The following TMOD1 variants were observed in gnomAD, a reference collection of about 807,000 sequenced individuals.
TMOD1 encodes the protein tropomodulin 1, also known as tropomodulin-1.
In TMOD1, 17 loss-of-function variants were observed where a neutral mutation model predicts 40.6. The ratio of observed to expected loss-of-function variants is 0.42; its 90% CI spans 0.29 to 0.63. TMOD1 has a LOEUF of 0.63. TMOD1 is among the 20% of genes least tolerant of loss of function. The pLI is 0.22. For synonymous variants in TMOD1, 181 were observed against 175.0 expected, an observed-to-expected ratio of 1.03 and a Z score of -0.27; for missense variants, 391 against 447.6, an observed-to-expected ratio of 0.87 and a Z score of 1.14.
intron 4 of TMOD1, among the ~76,000 whole-genome samples, chr9:97,562,278 T>C (rs10817771): frequency 0.21 from 32,367 of 152,070 alleles, 4,112 homozygotes; most frequent in Middle Eastern, 0.37. Flanking sequence ...AGCCAAAGAA[T>C]GATCAGGCCT....
At chr9:97,534,754 G>T (rs145463702) in intron 2 of TMOD1, among the ~76,000 whole-genome samples, 58 of 152,328 alleles carry the variant, frequency 3.8e-4, no homozygotes, top group African/African-American at 1.4e-3. Context: ...GAGAGATACA[G>T]CATAGATATG....
Position 97,599,896 on chromosome 9 carries a change from T to C in TMOD1, c.*198T>C. The C allele has an allele frequency of 7.3e-7, 1 of 1,361,060 alleles. No individual in the cohort carries two copies. 84.3% of individuals were successfully genotyped at this position (1,361,060 alleles called of 1,614,324 possible). ...ATACCGTTAATGTGAAGTTTTTCTT[T>C]AGTCACAGAAGTTGAATCTGGTTAT... On this transcript the variant is annotated 3_prime_UTR_variant, in exon 10 of 10. Transcript: ENST00000259365.
At chr9:97,562,674 C>G (rs1168458074) in intron 4 of TMOD1, 58 bp from the exon 5 acceptor site, 3 of 1,321,846 alleles carry the variant, frequency 2.3e-6, no homozygotes, top group Non-Finnish European at 3.1e-6. Context: ...AGTGTGGGTC[C>G]CTAGGAGGCT....
chr9:97,573,925 C>T (rs1165943480), intron 8 of TMOD1, among the ~76,000 whole-genome samples: 1 of 152,194 alleles, frequency 6.6e-6, no homozygotes, highest in Non-Finnish European at 1.5e-5. Context: ...AAATCAGACA[C>T]CACTTTTTGG....
intron 4 of TMOD1, among the ~76,000 whole-genome samples, chr9:97,554,560 G>A (rs1334534537): frequency 6.6e-6 from 1 of 152,062 alleles, no homozygotes; most frequent in Non-Finnish European, 1.5e-5. Flanking sequence ...TGGGGGCGGG[G>A]GTGCAAATCG....
chr9:97,566,047 A>G, intron 7 of TMOD1, 92 bp downstream of exon 7: 1 of 1,091,884 alleles, frequency 9.2e-7, no homozygotes, highest in South Asian at 1.4e-5. Flanking sequence ...GTATCCCACT[A>G]ACAAAGAGCT....
chr9:97,595,943 A>G (rs748758540), intron 9 of TMOD1, among the ~76,000 whole-genome samples: 6 of 151,882 alleles, frequency 4.0e-5, no homozygotes, highest in Non-Finnish European at 7.4e-5. Context: ...GCATGGTGGC[A>G]GGCACCTGTA....
rs79437348 is a variant in TMOD1, at chr9:97,565,367, C to T, written c.619-481C>T. On this transcript the variant is annotated intron_variant, in intron 6 of 9. Coordinates refer to ENST00000259365, the MANE Select transcript of TMOD1 (RefSeq NM_003275.4). ...AGTTCCCCAGGAGTCTCTGATGTGC[C>T]GCTGGAGCAGAGACCCCCTGGGGTA... is the stretch of plus-strand genomic sequence containing the variant. Among the ~76,000 whole-genome samples, 368 of 152,248 alleles carry T rather than the reference C, an allele frequency of 2.4e-3. 3 individuals are homozygous for T. Among genetic ancestry groups the T allele is most frequent in the Non-Finnish European group, 3.7e-3 (251 of 68,000 alleles).
chr9:97,518,354 C>T (rs1478664376), intron 1 of TMOD1, among the ~76,000 whole-genome samples: 3 of 152,230 alleles, frequency 2.0e-5, no homozygotes, highest in East Asian at 1.9e-4. Context: ...GGAACAGATT[C>T]GTCCTCAGAG....
chr9:97,598,451 C>A (rs1232270717), intron 9 of TMOD1, among the ~76,000 whole-genome samples: 1 of 152,118 alleles, frequency 6.6e-6, no homozygotes, highest in Non-Finnish European at 1.5e-5. Context: ...AACTAACATT[C>A]CAGCAGCGTT....
chr9:97,562,712 C>T lies in TMOD1; in HGVS notation c.398-20C>T, dbSNP rs757729784. The T allele has an allele frequency of 2.0e-6, 3 of 1,517,166 alleles. No homozygotes were observed. The highest frequency in any genetic ancestry group is 2.6e-6 in the Non-Finnish European group (3 of 1,137,102). The allele number at this position is 1,517,166 out of a possible 1,614,324, so 94.0% of individuals were successfully genotyped here. A position where few individuals can be genotyped will look rare whatever the true frequency, so the allele number is the denominator to read the frequency against. ...TCTGTCTGCAGAGGCACATCATGAG[C>T]CCTTCCCTTGTCCCTGCAGCGATCC... On this transcript the variant is annotated intron_variant, in intron 4 of 9. Transcript: ENST00000259365.
chr9:97,532,755 G>A (rs1017351735), intron 2 of TMOD1, among the ~76,000 whole-genome samples: 1 of 152,160 alleles, frequency 6.6e-6, no homozygotes, highest in South Asian at 2.1e-4. Flanking sequence ...CATCATGTAA[G>A]TGACCTACAT....
Position 97,564,056 on chromosome 9 carries a change from A to G in TMOD1, c.506A>G (p.Gln169Arg). ...ACTCTAGGCGTGATTAAACCCACACAATACAAGCCTGTGCCCGACGAAGAA... is the reference window on the plus strand; with the variant it reads ...ACTCTAGGCGTGATTAAACCCACACGATACAAGCCTGTGCCCGACGAAGAA... ...EGLNSVIKPTQYKPVPDEEPN... is the reference protein window; with the variant it reads ...EGLNSVIKPTRYKPVPDEEPN... Residue 169 changes from glutamine (Q) to arginine (R), a missense_variant, in exon 6 of 10, where the codon CAA becomes CGA. Transcript: ENST00000259365. The G allele has an allele frequency of 6.2e-7, 1 of 1,614,156 alleles. No individual in the cohort carries two copies. The highest frequency in any genetic ancestry group is 8.5e-7 in the Non-Finnish European group (1 of 1,180,024).
At chr9:97,509,641 C>T (rs1829663355) in intron 1 of TMOD1, among the ~76,000 whole-genome samples, 1 of 151,764 alleles carries the variant, frequency 6.6e-6, no homozygotes, top group African/African-American at 2.4e-5. Context: ...ACCACAGGTG[C>T]ATGCCACCAT....
chr9:97,544,190 A>G (rs1052104121), intron 2 of TMOD1, among the ~76,000 whole-genome samples: 2 of 151,874 alleles, frequency 1.3e-5, no homozygotes, highest in South Asian at 2.1e-4. Context: ...TACAGCCACT[A>G]CTCTTACTGA....
At position 97,601,533 on chromosome 9, in the gene TMOD1, A is replaced by G. The variant is rs1331690361; in HGVS notation, c.*1835A>G. 31 of 989,290 alleles carry G rather than the reference A, an allele frequency of 3.1e-5. No homozygotes were observed. Among genetic ancestry groups the G allele is most frequent in the Non-Finnish European group, 3.6e-5 (30 of 832,330 alleles). 61.3% of individuals were successfully genotyped at this position (989,290 alleles called of 1,614,324 possible). On this transcript the variant is annotated 3_prime_UTR_variant, in exon 10 of 10. Coordinates refer to ENST00000259365, the MANE Select transcript of TMOD1 (RefSeq NM_003275.4). Reference sequence around the variant, plus strand: ...GAAACCAAACCAACAGAAAATGAAGAAGGCCACATCTTTAAGGCCACCTCT... The same window carrying G: ...GAAACCAAACCAACAGAAAATGAAGGAGGCCACATCTTTAAGGCCACCTCT...
chr9:97,575,418 C>A (rs947119256), intron 8 of TMOD1, among the ~76,000 whole-genome samples: 7 of 152,212 alleles, frequency 4.6e-5, no homozygotes, highest in African/African-American at 1.7e-4. Context: ...TTCATTCTTG[C>A]AGTCAGTGAG....
intron 1 of TMOD1, among the ~76,000 whole-genome samples, chr9:97,508,565 T>C (rs777397914): frequency 6.6e-5 from 10 of 152,176 alleles, no homozygotes; most frequent in Non-Finnish European, 1.3e-4. Flanking sequence ...AGTTCTTATA[T>C]GTAAAATGCT....
intron 8 of TMOD1, among the ~76,000 whole-genome samples, chr9:97,581,124 C>G (rs1216215294): frequency 6.9e-6 from 1 of 145,490 alleles, no homozygotes; most frequent in Admixed American, 6.9e-5. Context: ...AGGTATATCT[C>G]CCGATGCTAT....
Sources: gnomAD v4.1 joint callset for allele counts (sites outside exome capture counted in the v4.1 genomes callset) on GRCh38, gnomAD v4.1.1 for gene constraint, MANE v1.5 for transcripts, NCBI Gene and HGNC (gene_info 2026-07-23, HGNC 2026-07-21) for gene names.